The following PCDH15 variants were observed in gnomAD, a reference collection of about 807,000 sequenced individuals.
The protein encoded by PCDH15 is protocadherin-15.
PCDH15 carries 129 observed loss-of-function variants against 178.5 expected under a neutral mutation model. That is an observed-to-expected ratio of 0.72 (90% confidence interval 0.63 to 0.84). PCDH15 has a LOEUF of 0.84. Ranked by LOEUF, PCDH15 falls within the 40% of genes least tolerant of loss-of-function variation. The pLI is 0.00. For synonymous variants in PCDH15, 800 were observed against 732.0 expected (o/e 1.09, Z -1.50); for missense variants, 2,230 against 2,099.9 (o/e 1.06, Z -1.21).
At chr10:55,518,530 G>A (rs1007188190) in intron 2 of PCDH15, among the ~76,000 whole-genome samples, 15 of 151,982 alleles carry the variant, frequency 9.9e-5, no homozygotes, top group Admixed American at 3.9e-4. Flanking sequence ...CTGGGGCACA[G>A]AGGGAGGTTG....
intron 26 of PCDH15, among the ~76,000 whole-genome samples, chr10:53,896,361 T>C (rs139869934): frequency 2.6e-5 from 4 of 152,322 alleles, no homozygotes; most frequent in African/African-American, 7.2e-5. Context: ...TCTATTTCTT[T>C]TTTGTTGACT....
chr10:55,266,776 G>A (rs543652825), intron 1 of PCDH15, among the ~76,000 whole-genome samples: 2 of 152,134 alleles, frequency 1.3e-5, no homozygotes, highest in Non-Finnish European at 2.9e-5. Flanking sequence ...TCTGGCCAAG[G>A]TGGTCAGAGG....
chr10:55,372,795 C>T (rs1370287886), intron 2 of PCDH15, among the ~76,000 whole-genome samples: 1 of 152,048 alleles, frequency 6.6e-6, no homozygotes, highest in Non-Finnish European at 1.5e-5. Flanking sequence ...ATAGTCTTCT[C>T]CCAAGACTTT....
chr10:55,619,191 TGAA>T (rs1843538596), intron 2 of PCDH15, among the ~76,000 whole-genome samples: 1 of 151,848 alleles, frequency 6.6e-6, no homozygotes, highest in Non-Finnish European at 1.5e-5. Context: ...TTTCCTGTAA[TGAA>T]GAAAAAAACA....
chr10:54,532,666 T>G (rs984815040), intron 2 of PCDH15, among the ~76,000 whole-genome samples: 1 of 152,298 alleles, frequency 6.6e-6, no homozygotes. Flanking sequence ...TTAATTCCCT[T>G]TTTTCTTTTT....
rs368995174 is a variant in PCDH15 at position 54,299,354 on chromosome 10, C to CAAAG, written c.876+17916_876+17917insCTTT. On this transcript the variant is annotated intron_variant, in intron 8 of 37. Transcript: ENST00000644397. ...GACAGACAAAGAAGAGAGAGACAGA[C>CAAAG]AAGAAGTCAAAGAGAGAGAAAGAGG... Among the ~76,000 whole-genome samples the CAAAG allele has an allele frequency of 2.6e-3, 392 of 151,670 alleles. 1 individual carries two copies. Among genetic ancestry groups the CAAAG allele is most frequent in the African/African-American group, 7.1e-3 (294 of 41,404 alleles).
chr10:53,904,059 A>C (rs1343301398), intron 25 of PCDH15, among the ~76,000 whole-genome samples: 5 of 152,164 alleles, frequency 3.3e-5, no homozygotes, highest in Non-Finnish European at 5.9e-5. Flanking sequence ...CAAATGTTAG[A>C]ACCTCCCTCA....
chr10:53,923,360 G>T (rs1564778292), intron 25 of PCDH15, among the ~76,000 whole-genome samples: 1 of 152,160 alleles, frequency 6.6e-6, no homozygotes, highest in African/African-American at 2.4e-5. Flanking sequence ...AATAAAAAAT[G>T]AATTAGATTG....
At chr10:53,873,923 A>G (rs2080042682) in intron 26 of PCDH15, among the ~76,000 whole-genome samples, 1 of 152,154 alleles carries the variant, frequency 6.6e-6, no homozygotes, top group Admixed American at 6.5e-5. Context: ...AAACGCAGCC[A>G]TCCATGAACC....
chr10:54,587,860 T>G (rs1296702482), intron 2 of PCDH15, among the ~76,000 whole-genome samples: 1 of 152,172 alleles, frequency 6.6e-6, no homozygotes, highest in Non-Finnish European at 1.5e-5. Context: ...GAGTTGAATA[T>G]AAACAGAGTT....
chr10:54,883,592 C>G (rs1954301067), intron 3 of PCDH15, among the ~76,000 whole-genome samples: 1 of 151,696 alleles, frequency 6.6e-6, no homozygotes, highest in South Asian at 2.1e-4. Flanking sequence ...TATATCTCAC[C>G]AATAAAAAAT....
intron 2 of PCDH15, among the ~76,000 whole-genome samples, chr10:55,047,987 C>T (rs954706793): frequency 3.3e-5 from 5 of 151,748 alleles, no homozygotes; most frequent in African/African-American, 1.2e-4. Context: ...CAAGCAATGG[C>T]TTATCAGTAC....
intron 1 of PCDH15, among the ~76,000 whole-genome samples, chr10:54,745,662 A>G (rs1337592682): frequency 6.6e-6 from 1 of 152,182 alleles, no homozygotes; most frequent in Non-Finnish European, 1.5e-5. Flanking sequence ...GTTTTTAATC[A>G]GTTAATACTG....
At chr10:54,381,585 C>T (rs149147352) in intron 3 of PCDH15, among the ~76,000 whole-genome samples, 21 of 151,982 alleles carry the variant, frequency 1.4e-4, no homozygotes, top group African/African-American at 2.2e-4. Flanking sequence ...ATGGGAGGCA[C>T]GACACAACAC....
intron 8 of PCDH15, among the ~76,000 whole-genome samples, chr10:54,279,998 G>A (rs531536987): frequency 6.6e-6 from 1 of 151,628 alleles, no homozygotes. Flanking sequence ...GGATATTAAT[G>A]CAAGATCACC....
chr10:53,888,061 T>C (rs1380762211), intron 26 of PCDH15, among the ~76,000 whole-genome samples: 1 of 151,704 alleles, frequency 6.6e-6, no homozygotes, highest in Non-Finnish European at 1.5e-5. Flanking sequence ...CACCATGGGT[T>C]GTAAGAAAGA....
chr10:54,055,413 CTA>C, intron 18 of PCDH15, among the ~76,000 whole-genome samples: 1 of 152,276 alleles, frequency 6.6e-6, no homozygotes, highest in East Asian at 1.9e-4. Flanking sequence ...TCAGCTTACT[CTA>C]TATTATACAA....
At chr10:55,039,107 C>A (rs17599730) in intron 2 of PCDH15, among the ~76,000 whole-genome samples, 70,746 of 151,770 alleles carry the variant, frequency 0.47, 18,128 homozygotes, top group East Asian at 0.75. Context: ...TTCCCTCTCT[C>A]CATACCTTCC....
At chr10:55,271,380 G>C (rs12769594) in intron 1 of PCDH15, among the ~76,000 whole-genome samples, 118 of 151,924 alleles carry the variant, frequency 7.8e-4, no homozygotes, top group African/African-American at 2.8e-3. Flanking sequence ...GAGAAAAAAA[G>C]GATTTTTTTC....
Sources: gnomAD v4.1 joint callset for allele counts (sites outside exome capture counted in the v4.1 genomes callset) on GRCh38, gnomAD v4.1.1 for gene constraint, MANE v1.5 for transcripts, NCBI Gene and HGNC (gene_info 2026-07-23, HGNC 2026-07-21) for gene names.